Variants in EHHADH observed in about 807,000 individuals in gnomAD.
EHHADH encodes peroxisomal bifunctional enzyme.
In EHHADH, 48 loss-of-function variants were observed where a neutral mutation model predicts 64.4. The ratio of observed to expected loss-of-function variants is 0.75; its 90% CI spans 0.59 to 0.95. EHHADH has a LOEUF of 0.95. EHHADH is among the 40% of genes least tolerant of loss of function. EHHADH has a pLI of 0.00. For missense variants in EHHADH, 854 were observed against 876.6 expected, an observed-to-expected ratio of 0.97 and a Z score of 0.33; for synonymous variants, 308 against 326.7, an observed-to-expected ratio of 0.94 and a Z score of 0.62.
At chr3:185,238,762 CTGAT>C (rs1190191230) in intron 2 of EHHADH, among the ~76,000 whole-genome samples, 1 of 152,044 alleles carries the variant, frequency 6.6e-6, no homozygotes, top group Non-Finnish European at 1.5e-5. Context: ...GTTTACTCTG[CTGAT>C]TATTTCTTTT....
chr3:185,202,630 C>T (rs955638192), intron 6 of EHHADH, among the ~76,000 whole-genome samples: 4 of 152,160 alleles, frequency 2.6e-5, no homozygotes, highest in Non-Finnish European at 5.9e-5. Flanking sequence ...CCTCCGCCTC[C>T]TGTCGGATCA....
chr3:185,219,132 T>C (rs1354746261), intron 4 of EHHADH, among the ~76,000 whole-genome samples: 1 of 152,240 alleles, frequency 6.6e-6, no homozygotes, highest in Non-Finnish European at 1.5e-5. Flanking sequence ...CTATAAGGTA[T>C]AATTAAAATT....
chr3:185,237,510 T>C (rs2108648001), intron 2 of EHHADH, among the ~76,000 whole-genome samples: 1 of 152,342 alleles, frequency 6.6e-6, no homozygotes. Flanking sequence ...TGGATACCTT[T>C]TGCCTGATTA....
rs114925063 is a variant in EHHADH at position 185,192,332 on chromosome 3, A to G, written c.2066T>C (p.Ile689Thr). The G allele has an allele frequency of 8.7e-4, 1,399 of 1,614,152 alleles. 17 individuals carry two copies. In the African/African-American group the frequency reaches 0.017, roughly 19 times the overall value. ...ATAGTCACTTGGCTCCAGTTGGGGA[A>G]TATCAGGGTTCTGCCTGTAATATTT... ...LQKYYRQNPD[I>T]PQLEPSDYLK... The change falls in exon 7 of 7, where the codon ATT becomes ACT. Residue 689 changes from isoleucine to threonine, a missense_variant. Ile to Thr is a moderately conservative substitution (Grantham distance 89). Transcript: ENST00000231887.
At chr3:185,235,525 G>T in intron 2 of EHHADH, 63 bp from the exon 3 acceptor site, 1 of 1,341,966 alleles carries the variant, frequency 7.5e-7, no homozygotes. Context: ...TTATATAACA[G>T]TAAGTTACCT....
rs568876420 is a variant in EHHADH, at chr3:185,248,432, C to T, written c.160G>A (p.Glu54Lys). ...TIKAIVICGAEGKFSAGADIR... is the reference protein window; with the variant it reads ...TIKAIVICGAKGKFSAGADIR... ...GAGTTACCTGCAGAAAATTTGCCCT[C>T]TGCTCCACAAATCACAATGGCTTTT... Residue 54 changes from glutamate to lysine, a missense_variant, in exon 2 of 7, where the codon GAG becomes AAG. Coordinates refer to ENST00000231887, the MANE Select transcript of EHHADH (RefSeq NM_001966.4). The T allele has an allele frequency of 3.7e-6, 6 of 1,614,054 alleles. No homozygotes were observed. The East Asian group carries it at 1.1e-4, about 30-fold the overall frequency.
rs558227933 is a variant in EHHADH, at chr3:185,238,270, C to G, written c.179-2808G>C. Among the ~76,000 whole-genome samples, 14 of 152,128 alleles carry G rather than the reference C, an allele frequency of 9.2e-5. No individual in the cohort carries two copies. The South Asian group carries it at 2.9e-3, about 32-fold the overall frequency. On this transcript the variant is annotated intron_variant, in intron 2 of 6. Transcript: ENST00000231887. The stretch of plus-strand genomic sequence containing the variant: ...ATAATATATTTTCCTTTGGACGGAT[C>G]CCCAGTAGTTGGATTGCTGGGTCAA...
chr3:185,230,595 G>A (rs1719124993), intron 3 of EHHADH, among the ~76,000 whole-genome samples: 1 of 149,894 alleles, frequency 6.7e-6, no homozygotes. Flanking sequence ...CTGTTTATAT[G>A]AAATATCCAG....
intron 4 of EHHADH, among the ~76,000 whole-genome samples, chr3:185,229,199 G>A (rs1466416544): frequency 1.3e-5 from 2 of 152,130 alleles, no homozygotes; most frequent in Non-Finnish European, 2.9e-5. Context: ...AATTTGATTC[G>A]CTCTTTGCAT....
At position 185,191,662 on chromosome 3, in the gene EHHADH, C is replaced by T. The variant is rs1407226560; in HGVS notation, c.*564G>A. 5 of 153,242 alleles carry T rather than the reference C, an allele frequency of 3.3e-5. No individual in the cohort carries two copies. The highest frequency in any genetic ancestry group is 7.3e-5 in the Non-Finnish European group (5 of 68,894). The allele number at this position is 153,242 out of a possible 1,614,324, so 9.5% of individuals were successfully genotyped here. The stretch of plus-strand genomic sequence containing the variant: ...CTTACACTAAGTTAACGACTTACTA[C>T]TTTCTATTATTTCTCCATAAACAGA... On this transcript the variant is annotated 3_prime_UTR_variant, in exon 7 of 7. Transcript: ENST00000231887.
At chr3:185,195,476 C>T (rs1315456035) in intron 6 of EHHADH, among the ~76,000 whole-genome samples, 1 of 152,180 alleles carries the variant, frequency 6.6e-6, no homozygotes, top group Admixed American at 6.5e-5. Flanking sequence ...CATGGAGTTA[C>T]TTTATGATCC....
chr3:185,193,169 GTAT>G lies in EHHADH; in HGVS notation c.1226_1228del (p.Asn409del). Reference sequence around the variant, plus strand: ...AATCTCATCAACATCCAGGGCTGAAGTATTAGTGCACAAAAATGCTTCTGGTTT... The same window carrying G: ...AATCTCATCAACATCCAGGGCTGAAGTAGTGCACAAAAATGCTTCTGGTTT... On this transcript the variant is annotated inframe_deletion, in exon 7 of 7. Transcript: ENST00000231887. 1 of 1,613,164 alleles carries G rather than the reference GTAT, an allele frequency of 6.2e-7. No individual in the cohort carries two copies. The highest frequency in any genetic ancestry group is 8.5e-7 in the Non-Finnish European group (1 of 1,179,696).
At chr3:185,234,899 T>C (rs1186747249) in intron 3 of EHHADH, among the ~76,000 whole-genome samples, 1 of 152,186 alleles carries the variant, frequency 6.6e-6, no homozygotes, top group Non-Finnish European at 1.5e-5. Context: ...TTATCACCTC[T>C]GGGCCGGGTG....
chr3:185,197,258 T>G (rs1718087983), intron 6 of EHHADH, among the ~76,000 whole-genome samples: 1 of 152,202 alleles, frequency 6.6e-6, no homozygotes, highest in Non-Finnish European at 1.5e-5. Flanking sequence ...TTGTATTCTT[T>G]TTTGGTGATA....
chr3:185,206,667 A>C (rs563715537), intron 5 of EHHADH, among the ~76,000 whole-genome samples: 3 of 151,980 alleles, frequency 2.0e-5, no homozygotes, highest in African/African-American at 7.2e-5. Flanking sequence ...ATCTCTACTA[A>C]AATACAAAAA....
chr3:185,230,369 G>C (rs1230767640), intron 3 of EHHADH, among the ~76,000 whole-genome samples: 8 of 152,162 alleles, frequency 5.3e-5, no homozygotes, highest in Non-Finnish European at 8.8e-5. Context: ...CCTGTATACA[G>C]ATTTTCATGG....
chr3:185,196,319 A>C (rs1718063181), intron 6 of EHHADH, among the ~76,000 whole-genome samples: 1 of 152,240 alleles, frequency 6.6e-6, no homozygotes, highest in African/African-American at 2.4e-5. Flanking sequence ...ATTAGCCAAA[A>C]AATAGAAGCA....
chr3:185,196,844 A>C (rs1718077463), intron 6 of EHHADH, among the ~76,000 whole-genome samples: 1 of 152,140 alleles, frequency 6.6e-6, no homozygotes. Context: ...TCTACCAGAA[A>C]TGCAAAAATT....
intron 4 of EHHADH, among the ~76,000 whole-genome samples, chr3:185,219,371 G>A (rs1718775970): frequency 6.6e-6 from 1 of 152,198 alleles, no homozygotes; most frequent in African/African-American, 2.4e-5. Context: ...TTTTTAGCTT[G>A]GAGTTAGTGA....
Sources: allele counts gnomAD v4.1 joint callset (sites outside exome capture counted in the v4.1 genomes callset), GRCh38; gene constraint gnomAD v4.1.1; transcripts MANE v1.5; gene names NCBI Gene and HGNC (gene_info 2026-07-23, HGNC 2026-07-21).